Variants in CCSER1 observed in about 807,000 individuals in gnomAD.
CCSER1 encodes the protein serine-rich coiled-coil domain-containing protein 1.
A neutral mutation model predicts 82.0 loss-of-function variants in CCSER1; 41 were observed. That is an observed-to-expected ratio of 0.50 (90% CI 0.39 to 0.65). The LOEUF is 0.65. Among genes scored for constraint, CCSER1 ranks in the 30% least tolerant of loss-of-function variants. The pLI, the probability that CCSER1 is intolerant of heterozygous loss-of-function variation, is 0.00. For synonymous variants in CCSER1, 414 were observed against 383.9 expected (o/e 1.08, Z -0.92); for missense variants, 1,119 against 1,064.2 (o/e 1.05, Z -0.72).
chr4:90,910,177 A>G (rs954247310), intron 8 of CCSER1, among the ~76,000 whole-genome samples: 13 of 152,212 alleles, frequency 8.5e-5, no homozygotes, highest in Non-Finnish European at 1.3e-4. Flanking sequence ...AGAACTCACT[A>G]TCAAGGGAAC....
intron 10 of CCSER1, among the ~76,000 whole-genome samples, chr4:91,541,149 A>C (rs986322391): frequency 7.2e-5 from 11 of 152,220 alleles, no homozygotes; most frequent in Non-Finnish European, 1.6e-4. Context: ...AGTTCTTGAA[A>C]GTTTTGAGCC....
chr4:90,714,365 A>T (rs1741237221), intron 6 of CCSER1, among the ~76,000 whole-genome samples: 1 of 151,974 alleles, frequency 6.6e-6, no homozygotes, highest in African/African-American at 2.4e-5. Flanking sequence ...TATCTTGTTC[A>T]TTATAGGTTC....
At position 91,504,329 on chromosome 4, in the gene CCSER1, G is replaced by T. The variant is rs549519155; in HGVS notation, c.2218-94243G>T. 2.6e-5 allele frequency among the ~76,000 whole-genome samples: 4 copies of T among 152,174 alleles called. No individual in the cohort carries two copies. The East Asian group carries it at 7.7e-4, about 29-fold the overall frequency. On this transcript the variant is annotated intron_variant, in intron 10 of 10. Coordinates refer to ENST00000509176, the MANE Select transcript of CCSER1 (RefSeq NM_001145065.2). ...AGGTACTAATTGTTTTCCCTAATCTGATTTTTTTCCACCTATTGACCATTT... is the reference window on the plus strand; with the variant it reads ...AGGTACTAATTGTTTTCCCTAATCTTATTTTTTTCCACCTATTGACCATTT...
intron 10 of CCSER1, among the ~76,000 whole-genome samples, chr4:91,200,209 CA>C (rs1361926052): frequency 7.9e-5 from 12 of 151,782 alleles, no homozygotes; most frequent in Admixed American, 1.3e-4. Context: ...CTTAAATTTT[CA>C]AAAGAAAGAT....
At chr4:90,262,073 C>T (rs534052292) in intron 1 of CCSER1, among the ~76,000 whole-genome samples, 1 of 151,910 alleles carries the variant, frequency 6.6e-6, no homozygotes, top group Non-Finnish European at 1.5e-5. Flanking sequence ...TAATAATAAA[C>T]CTTCTGAATT....
At chr4:91,161,735 A>AT (rs1731420725) in intron 10 of CCSER1, among the ~76,000 whole-genome samples, 1 of 152,070 alleles carries the variant, frequency 6.6e-6, no homozygotes, top group African/African-American at 2.4e-5. Context: ...AATGCGTGTG[A>AT]TTTTTGCACA....
intron 6 of CCSER1, among the ~76,000 whole-genome samples, chr4:90,702,859 C>G (rs1242833674): frequency 6.6e-6 from 1 of 152,052 alleles, no homozygotes; most frequent in Non-Finnish European, 1.5e-5. Context: ...TGATTCTTCT[C>G]TCTTTTCTTC....
chr4:90,907,679 C>T (rs1475343487), intron 8 of CCSER1, among the ~76,000 whole-genome samples: 2 of 151,902 alleles, frequency 1.3e-5, no homozygotes, highest in Non-Finnish European at 2.9e-5. Flanking sequence ...ATTTCTCAGA[C>T]GTATATTTGA....
At chr4:91,495,987 A>T (rs1386877555) in intron 10 of CCSER1, among the ~76,000 whole-genome samples, 1 of 151,624 alleles carries the variant, frequency 6.6e-6, no homozygotes, top group Non-Finnish European at 1.5e-5. Flanking sequence ...AGATTTTTAT[A>T]AAACTTTTAC....
At chr4:90,655,667 A>T (rs1407782821) in intron 6 of CCSER1, among the ~76,000 whole-genome samples, 2 of 151,910 alleles carry the variant, frequency 1.3e-5, no homozygotes, top group Admixed American at 1.3e-4. Context: ...TTGTTTTCAC[A>T]TGTCCTAGTT....
intron 5 of CCSER1, among the ~76,000 whole-genome samples, chr4:90,548,647 G>C (rs1777079673): frequency 6.6e-6 from 1 of 151,380 alleles, no homozygotes. Context: ...ACTCCTATTG[G>C]TATTTGTGTC....
At chr4:91,261,294 C>T (rs911743258) in intron 10 of CCSER1, among the ~76,000 whole-genome samples, 2 of 152,192 alleles carry the variant, frequency 1.3e-5, no homozygotes, top group Non-Finnish European at 2.9e-5. Flanking sequence ...CCAAACACAC[C>T]TAGCATTAGC....
chr4:91,485,215 G>A (rs187918674), intron 10 of CCSER1, among the ~76,000 whole-genome samples: 13 of 152,160 alleles, frequency 8.5e-5, no homozygotes, highest in South Asian at 8.3e-4. Flanking sequence ...CAACCTTGCT[G>A]TCATTTCTTA....
rs553034972 is a variant in CCSER1, at chr4:90,667,496, C to G, written c.1932+39264C>G. 3.9e-5 allele frequency among the ~76,000 whole-genome samples: 6 copies of G among 152,212 alleles called. No homozygotes were observed. The South Asian group carries it at 1.2e-3, about 32-fold the overall frequency. On this transcript the variant is annotated intron_variant, in intron 6 of 10. Coordinates refer to ENST00000509176, the MANE Select transcript of CCSER1 (RefSeq NM_001145065.2). ...CTTCTAATGCTATCCCTCCCCAGCCCCCCACTCCCTGACAGGCCCCGGTGG... is the reference window on the plus strand; with the variant it reads ...CTTCTAATGCTATCCCTCCCCAGCCGCCCACTCCCTGACAGGCCCCGGTGG...
intron 10 of CCSER1, among the ~76,000 whole-genome samples, chr4:91,395,239 A>G (rs17018439): frequency 0.031 from 4,773 of 152,088 alleles, 232 homozygotes; most frequent in African/African-American, 0.11. Flanking sequence ...CAGGAGCAAA[A>G]TGTTCCTTTG....
chr4:91,522,132 G>A (rs914560415), intron 10 of CCSER1, among the ~76,000 whole-genome samples: 1 of 152,082 alleles, frequency 6.6e-6, no homozygotes, highest in African/African-American at 2.4e-5. Context: ...ATTTATTATA[G>A]GGAATCCTTT....
At chr4:90,187,278 TATTTC>T (rs1734774022) in intron 1 of CCSER1, among the ~76,000 whole-genome samples, 1 of 151,976 alleles carries the variant, frequency 6.6e-6, no homozygotes. Flanking sequence ...AGGCATTTTT[TATTTC>T]ATTCTTAGTG....
intron 7 of CCSER1, among the ~76,000 whole-genome samples, chr4:90,773,865 T>C (rs1012783740): frequency 4.6e-5 from 7 of 152,076 alleles, no homozygotes; most frequent in African/African-American, 1.4e-4. Context: ...TGAAAGAACA[T>C]ACTCAAAAAA....
At chr4:90,276,807 T>C (rs1727910248) in intron 1 of CCSER1, among the ~76,000 whole-genome samples, 1 of 152,204 alleles carries the variant, frequency 6.6e-6, no homozygotes, top group African/African-American at 2.4e-5. Flanking sequence ...ATATTTCACC[T>C]CCTTGGTTAG....
Sources: gnomAD v4.1 joint callset for allele counts (sites outside exome capture counted in the v4.1 genomes callset) on GRCh38, gnomAD v4.1.1 for gene constraint, MANE v1.5 for transcripts, NCBI Gene and HGNC (gene_info 2026-07-23, HGNC 2026-07-21) for gene names.